TSPAN14: variants seen among roughly 807,000 people sequenced by gnomAD.
TSPAN14 encodes the protein tetraspanin-14.
TSPAN14 carries 16 observed loss-of-function variants against 36.6 expected under a neutral mutation model. That is an observed-to-expected ratio of 0.44 (90% confidence interval 0.30 to 0.66). The LOEUF (loss-of-function observed/expected upper bound fraction) is 0.66, where lower values mean the gene tolerates loss of function less well. Ranked by LOEUF, TSPAN14 falls within the 30% of genes least tolerant of loss-of-function variation. The pLI, the probability that TSPAN14 is intolerant of heterozygous loss-of-function variation, is 0.12. For synonymous variants in TSPAN14, 139 were observed against 143.8 expected (o/e 0.97, Z 0.24); for missense variants, 231 against 355.1 (o/e 0.65, Z 2.81).
At chr10:80,476,348 C>T (rs559681016) in intron 1 of TSPAN14, among the ~76,000 whole-genome samples, 2 of 150,574 alleles carry the variant, frequency 1.3e-5, no homozygotes, top group Admixed American at 6.6e-5. Context: ...TGAGCCTAGG[C>T]GACAGAGCAA....
chr10:80,454,921 C>G (rs1289243472), intron 1 of TSPAN14, among the ~76,000 whole-genome samples: 1 of 152,330 alleles, frequency 6.6e-6, no homozygotes, highest in South Asian at 2.1e-4. Flanking sequence ...TCTCCCACGC[C>G]GCCGTGGGTC....
exon 9 of TSPAN14, chr10:80,520,516 C>T: frequency 6.5e-6 from 3 of 463,096 alleles, no homozygotes; most frequent in South Asian, 1.7e-5. Context: ...GGCATTTGCA[C>T]CCTCTTCTCA....
intron 2 of TSPAN14, among the ~76,000 whole-genome samples, chr10:80,499,365 A>G (rs1220735931): frequency 6.6e-6 from 1 of 152,218 alleles, no homozygotes; most frequent in Non-Finnish European, 1.5e-5. Context: ...TGAAAGGTCA[A>G]TATTTAATCT....
chr10:80,474,977 G>A (rs1846776192), intron 1 of TSPAN14, among the ~76,000 whole-genome samples: 2 of 152,140 alleles, frequency 1.3e-5, no homozygotes, highest in Non-Finnish European at 2.9e-5. Context: ...TTTCCAGCAA[G>A]CTCCTGAAAT....
At chr10:80,502,101 G>A (rs1393293778) in intron 2 of TSPAN14, among the ~76,000 whole-genome samples, 1 of 152,234 alleles carries the variant, frequency 6.6e-6, no homozygotes, top group African/African-American at 2.4e-5. Flanking sequence ...AGTGAGGGAG[G>A]AGCCAGGAAT....
At position 80,475,278 on chromosome 10, in the gene TSPAN14, A is replaced by G. The variant is rs140542600; in HGVS notation, c.-17-13939A>G. Among the ~76,000 whole-genome samples, 21 of 152,326 alleles carry G rather than the reference A, an allele frequency of 1.4e-4. No homozygotes were observed. In the East Asian group the frequency reaches 3.5e-3, roughly 25 times the overall value. ...TAATGAGCTTTTCTGTAAATCTAAA[A>G]GTTTTGGGCTGAGCATGATGGCTTA... On this transcript the variant is annotated intron_variant, in intron 1 of 8. Coordinates refer to ENST00000429989, the Ensembl canonical transcript of TSPAN14.
rs1179608955 is a variant in TSPAN14, at chr10:80,509,661, G to A, written c.450+190G>A. 2 of 625,970 alleles carry A rather than the reference G, an allele frequency of 3.2e-6. No homozygotes were observed. Among genetic ancestry groups the A allele is most frequent in the Non-Finnish European group, 5.4e-6 (2 of 372,560 alleles). The allele number at this position is 625,970 out of a possible 1,614,324, so 38.8% of individuals were successfully genotyped here. A position where few individuals can be genotyped will look rare whatever the true frequency, so the allele number is the denominator to read the frequency against. On this transcript the variant is annotated intron_variant, in intron 5 of 8. Transcript: ENST00000429989. The surrounding 1 kb of genome is among the most constrained non-coding windows in gnomAD (Gnocchi z 4.7). ...CTTTGCCGGCTTGTGGTTGCCTGGT[G>A]GGCCAGCCCTTTCCCATTGGGATTG...
At chr10:80,499,989 A>G (rs1447990026) in intron 2 of TSPAN14, among the ~76,000 whole-genome samples, 1 of 152,206 alleles carries the variant, frequency 6.6e-6, no homozygotes, top group African/African-American at 2.4e-5. Flanking sequence ...CAGGGCTCAC[A>G]GCAGCCAGGG....
chr10:80,520,599 CCT>C (rs1564753707), exon 9 of TSPAN14: 1 of 533,114 alleles, frequency 1.9e-6, no homozygotes, highest in African/African-American at 1.9e-5. Flanking sequence ...TGGTCCACCC[CCT>C]CTCAGGATCT....
chr10:80,479,239 G>A (rs541291648), intron 1 of TSPAN14, among the ~76,000 whole-genome samples: 467 of 151,134 alleles, frequency 3.1e-3, no homozygotes, highest in Non-Finnish European at 5.6e-3. Flanking sequence ...CCATTTTGTA[G>A]GTTGCCTGTT....
At chr10:80,481,893 A>G (rs1265617150) in intron 1 of TSPAN14, among the ~76,000 whole-genome samples, 2 of 152,088 alleles carry the variant, frequency 1.3e-5, no homozygotes, top group African/African-American at 4.8e-5. Context: ...AGCTGGGACT[A>G]CAGGCACCTG....
chr10:80,507,628 C>A (rs1840368660), intron 4 of TSPAN14, among the ~76,000 whole-genome samples: 1 of 152,242 alleles, frequency 6.6e-6, no homozygotes, highest in Admixed American at 6.5e-5. Flanking sequence ...CAGCTCTACT[C>A]CCCGCTCCTT....
intron 1 of TSPAN14, among the ~76,000 whole-genome samples, chr10:80,474,369 G>A (rs1173039466): frequency 4.6e-5 from 7 of 152,058 alleles, no homozygotes; most frequent in African/African-American, 1.4e-4. Context: ...GGCCAGAGGA[G>A]GGGTGGGGTT....
chr10:80,491,973 G>A (rs1380197283), intron 2 of TSPAN14, among the ~76,000 whole-genome samples: 1 of 152,166 alleles, frequency 6.6e-6, no homozygotes, highest in East Asian at 1.9e-4. Context: ...AATGGGGTGA[G>A]GCCTGAGATG....
chr10:80,474,517 T>C (rs1325426367), intron 1 of TSPAN14, among the ~76,000 whole-genome samples: 1 of 150,596 alleles, frequency 6.6e-6, no homozygotes, highest in African/African-American at 2.4e-5. Flanking sequence ...GGAAAGCTCC[T>C]GAGTGTCTGG....
chr10:80,476,425 T>A (rs2131984095), intron 1 of TSPAN14, among the ~76,000 whole-genome samples: 1 of 145,466 alleles, frequency 6.9e-6, no homozygotes, highest in South Asian at 2.2e-4. Context: ...TTTTTTTTTT[T>A]TTTTTTTTGA....
chr10:80,510,463 G>A (rs763073435), intron 5 of TSPAN14, among the ~76,000 whole-genome samples: 6 of 152,146 alleles, frequency 3.9e-5, no homozygotes, highest in East Asian at 1.9e-4. Flanking sequence ...CAGTGCCACC[G>A]TCCTTTTTTC....
At chr10:80,491,986 C>T (rs1401820223) in intron 2 of TSPAN14, among the ~76,000 whole-genome samples, 2 of 152,188 alleles carry the variant, frequency 1.3e-5, no homozygotes, top group East Asian at 1.9e-4. Context: ...CTGAGATGGG[C>T]GCACAGACCT....
At chr10:80,454,510 T>G (rs1204258678) in intron 1 of TSPAN14, 139 bp downstream of exon 1, 4 of 152,108 alleles carry the variant, frequency 2.6e-5, no homozygotes, top group African/African-American at 9.7e-5. Flanking sequence ...CCTCCCCGCC[T>G]GCCCAGGAGC....
Sources: gnomAD v4.1 joint callset for allele counts (sites outside exome capture counted in the v4.1 genomes callset) on GRCh38, gnomAD v4.1.1 for gene constraint, Gnocchi (gnomAD v3.1) non-coding constraint, MANE v1.5 for transcripts, NCBI Gene and HGNC (gene_info 2026-07-23, HGNC 2026-07-21) for gene names.